KYAT1: variants seen among roughly 807,000 people sequenced by gnomAD.
The protein encoded by KYAT1 is kynurenine aminotransferase 1, also known as kynurenine--oxoglutarate transaminase 1.
A neutral mutation model predicts 52.4 loss-of-function variants in KYAT1; 47 were observed. The observed-to-expected ratio is 0.90, with a 90% confidence interval of 0.71 to 1.14. The LOEUF (loss-of-function observed/expected upper bound fraction) is 1.14. KYAT1 is among the 50% of genes most tolerant of loss of function. The pLI is 0.00. For missense variants in KYAT1, 480 were observed against 557.9 expected (o/e 0.86, Z 1.41); for synonymous variants, 212 against 209.6 (o/e 1.01, Z -0.10).
intron 6 of KYAT1, 59 bp downstream of exon 6, chr9:128,837,626 A>G (rs1831351369): frequency 1.3e-6 from 2 of 1,594,014 alleles, no homozygotes; most frequent in Non-Finnish European, 1.7e-6. Context: ...CAACTCAGTA[A>G]CAGTGCAGGA....
chr9:128,836,141 G>T, intron 7 of KYAT1, 68 bp from the exon 8 acceptor site: 1 of 1,421,628 alleles, frequency 7.0e-7, no homozygotes, highest in Non-Finnish European at 9.8e-7. Context: ...TGGTGGTCTG[G>T]GCCCCAGGGG....
intron 1 of KYAT1, among the ~76,000 whole-genome samples, chr9:128,866,196 A>G (rs1197750569): frequency 1.3e-5 from 2 of 152,234 alleles, no homozygotes; most frequent in African/African-American, 2.4e-5. Flanking sequence ...TAACTGGGCC[A>G]TTTTAATATA....
At chr9:128,881,104 G>T (rs1182838479) in intron 1 of KYAT1, among the ~76,000 whole-genome samples, 2 of 151,986 alleles carry the variant, frequency 1.3e-5, no homozygotes, top group Non-Finnish European at 2.9e-5. Context: ...TTTTTTAGAC[G>T]GAGTCTCGCT....
rs967457226 is a variant in KYAT1, at chr9:128,833,550, G to A, written c.*34C>T. On this transcript the variant is annotated 3_prime_UTR_variant, in exon 13 of 13. Coordinates refer to ENST00000302586, the MANE Select transcript of KYAT1 (RefSeq NM_004059.5). ...ACTCAAAGAGGATCTCTGCGGGCAT[G>A]TGGGGATGTCAGGGCCAAGGCGTGA... 3 of 1,602,598 alleles carry A rather than the reference G, an allele frequency of 1.9e-6. No individual in the cohort carries two copies. The highest frequency in any genetic ancestry group is 2.7e-5 in the African/African-American group (2 of 74,700).
intron 1 of KYAT1, among the ~76,000 whole-genome samples, chr9:128,851,184 C>G (rs1281720568): frequency 1.3e-5 from 2 of 152,172 alleles, no homozygotes; most frequent in African/African-American, 4.8e-5. Flanking sequence ...TTCTCAGTCT[C>G]TCATCCCACC....
Position 128,849,725 on chromosome 9 carries a change from G to A in KYAT1, c.-6-4314C>T, listed in dbSNP as rs184485910. Among the ~76,000 whole-genome samples the A allele has an allele frequency of 4.3e-3, 634 of 148,710 alleles. 6 individuals are homozygous for A. Among genetic ancestry groups the A allele is most frequent in the African/African-American group, 0.015 (608 of 40,632 alleles). The stretch of plus-strand genomic sequence containing the variant: ...GGCAGAGAATTGCTTCAACTTGGGA[G>A]ATGGAGGTTGCAGTGAGCCGAGATC... On this transcript the variant is annotated intron_variant, in intron 1 of 12. Transcript: ENST00000302586.
intron 1 of KYAT1, among the ~76,000 whole-genome samples, chr9:128,858,559 G>C (rs974052924): frequency 6.6e-6 from 1 of 151,564 alleles, no homozygotes; most frequent in African/African-American, 2.4e-5. Flanking sequence ...TTAGCCAGGC[G>C]TGATGGCATG....
At chr9:128,847,735 C>T in intron 1 of KYAT1, 1 of 512,024 alleles carries the variant, frequency 2.0e-6, no homozygotes, top group Non-Finnish European at 3.5e-6. Context: ...GCATGATTAT[C>T]CGACTCCGTC....
intron 1 of KYAT1, among the ~76,000 whole-genome samples, chr9:128,853,974 AC>A (rs1177436127): frequency 2.6e-5 from 4 of 152,226 alleles, no homozygotes; most frequent in Non-Finnish European, 5.9e-5. Flanking sequence ...CATATGGGCA[AC>A]CTGCCAGACA....
rs1564452000 is a variant in KYAT1 at position 128,838,070 on chromosome 9, A to T, written c.419T>A (p.Val140Glu). The change falls in exon 5 of 13, where the codon GTG becomes GAG. Residue 140 changes from valine to glutamate, a missense_variant. Transcript: ENST00000302586. ...PMTMMAGGRPVFVSLKPGPIQ... is the reference protein window; with the variant it reads ...PMTMMAGGRPEFVSLKPGPIQ... ...CCTTACCGGCTTCAGGGACACAAAC[A>T]CAGGACGACCCCCTGCCATCATTGT... 4 of 1,613,996 alleles carry T rather than the reference A, an allele frequency of 2.5e-6. No homozygotes were observed. The highest frequency in any genetic ancestry group is 2.5e-6 in the Non-Finnish European group (3 of 1,179,976).
At chr9:128,857,320 G>T (rs1053135126) in intron 1 of KYAT1, among the ~76,000 whole-genome samples, 2 of 152,136 alleles carry the variant, frequency 1.3e-5, no homozygotes, top group Non-Finnish European at 2.9e-5. Flanking sequence ...GCTGGTGCAG[G>T]TCCTTGATAT....
At chr9:128,867,467 G>A (rs1180881988) in intron 1 of KYAT1, among the ~76,000 whole-genome samples, 1 of 151,958 alleles carries the variant, frequency 6.6e-6, no homozygotes, top group African/African-American at 2.4e-5. Context: ...GTGTGAGCCA[G>A]TGCACCCAGC....
At position 128,857,151 on chromosome 9, in the gene KYAT1, T is replaced by C. The variant is rs186913306; in HGVS notation, c.-6-11740A>G. On this transcript the variant is annotated intron_variant, in intron 1 of 12. Coordinates refer to ENST00000302586, the MANE Select transcript of KYAT1 (RefSeq NM_004059.5). ...TCCGGCCTACGTGCACATGCAGGCA[T>C]AGTACCTCCCCTTGAACTTAATTAT... Among the ~76,000 whole-genome samples, 482 of 152,374 alleles carry C rather than the reference T, an allele frequency of 3.2e-3. 3 individuals are homozygous for C. The highest frequency in any genetic ancestry group is 0.01 in the African/African-American group (433 of 41,590).
At chr9:128,836,584 C>T (rs1219563869) in intron 7 of KYAT1, among the ~76,000 whole-genome samples, 1 of 152,100 alleles carries the variant, frequency 6.6e-6, no homozygotes, top group Non-Finnish European at 1.5e-5. Context: ...CAGGTGTGAC[C>T]CACCATGCTC....
intron 3 of KYAT1, among the ~76,000 whole-genome samples, chr9:128,839,892 T>C (rs964178357): frequency 1.3e-5 from 2 of 150,590 alleles, no homozygotes; most frequent in Non-Finnish European, 3.0e-5. Context: ...TCTCTACTGA[T>C]GGAAAATCAA....
At chr9:128,834,831 CA>C (rs35785668) in intron 11 of KYAT1, among the ~76,000 whole-genome samples, 25 of 25,862 alleles carry the variant, frequency 9.7e-4, no homozygotes, top group East Asian at 2.6e-3. Flanking sequence ...GACTCTGTCT[CA>C]AAAAAAAAAA....
intron 2 of KYAT1, among the ~76,000 whole-genome samples, chr9:128,843,159 T>C (rs1274939768): frequency 6.6e-6 from 1 of 152,006 alleles, no homozygotes; most frequent in East Asian, 1.9e-4. Flanking sequence ...AAGAGTGAGA[T>C]TCTGTCTTAA....
chr9:128,845,550 C>CAGA, intron 1 of KYAT1, 139 bp from the exon 2 acceptor site: 1 of 759,820 alleles, frequency 1.3e-6, no homozygotes, highest in Non-Finnish European at 2.2e-6. Context: ...ATAGAGTTTG[C>CAGA]AGAAGGGCAG....
intron 3 of KYAT1, among the ~76,000 whole-genome samples, chr9:128,841,694 CA>C (rs71383615): frequency 0.33 from 34,407 of 105,276 alleles, 5,273 homozygotes; most frequent in African/African-American, 0.54. Flanking sequence ...GACTCCATCT[CA>C]AAAAAAAAAA....
Sources: allele counts gnomAD v4.1 joint callset (sites outside exome capture counted in the v4.1 genomes callset), GRCh38; gene constraint gnomAD v4.1.1; transcripts MANE v1.5; gene names NCBI Gene and HGNC (gene_info 2026-07-23, HGNC 2026-07-21).